The following CNTN6 variants were observed in gnomAD, a reference collection of about 807,000 sequenced individuals.
The protein encoded by CNTN6 is contactin-6.
A neutral mutation model predicts 122.8 loss-of-function variants in CNTN6; 137 were observed. The ratio of observed to expected loss-of-function variants is 1.12; its 90% CI spans 0.97 to 1.29. The LOEUF (loss-of-function observed/expected upper bound fraction) is 1.29, where lower values mean the gene tolerates loss of function less well. Ranked by LOEUF, CNTN6 falls within the 50% of genes most tolerant of loss-of-function variation. The pLI is 0.00. For missense variants in CNTN6, 1,634 were observed against 1,223.4 expected (o/e 1.34, Z -5.01); for synonymous variants, 570 against 426.0 (o/e 1.34, Z -4.16).
chr3:1,374,218 T>C (rs551263442), intron 16 of CNTN6, 145 bp downstream of exon 16: 3 of 713,258 alleles, frequency 4.2e-6, no homozygotes, highest in East Asian at 3.0e-5. Context: ...TCTTTTATTT[T>C]TACATACACA....
chr3:1,290,835 A>AG (rs1441154678), intron 5 of CNTN6, among the ~76,000 whole-genome samples: 4 of 152,204 alleles, frequency 2.6e-5, no homozygotes, highest in African/African-American at 9.6e-5. Flanking sequence ...GGACAGCCAG[A>AG]GGTCACTCTC....
chr3:1,167,880 T>C (rs768408778), intron 2 of CNTN6, among the ~76,000 whole-genome samples: 1 of 152,192 alleles, frequency 6.6e-6, no homozygotes, highest in Non-Finnish European at 1.5e-5. Flanking sequence ...TCAAAATAAT[T>C]TGACGACATA....
intron 16 of CNTN6, 97 bp downstream of exon 16, chr3:1,374,170 C>T (rs1709533546): frequency 7.7e-7 from 1 of 1,290,432 alleles, no homozygotes; most frequent in Non-Finnish European, 1.0e-6. Context: ...ATACTTTTGG[C>T]TCAAAATTGT....
chr3:1,272,938 C>T (rs1029893288), intron 4 of CNTN6, among the ~76,000 whole-genome samples: 1 of 152,114 alleles, frequency 6.6e-6, no homozygotes, highest in African/African-American at 2.4e-5. Context: ...GGCCCTTGTC[C>T]CTCCCTTGCA....
intron 1 of CNTN6, among the ~76,000 whole-genome samples, chr3:1,109,492 C>T (rs892805474): frequency 2.0e-5 from 3 of 151,980 alleles, no homozygotes; most frequent in Non-Finnish European, 4.4e-5. Flanking sequence ...GTTTAATAGA[C>T]AAGTTTCTCT....
intron 4 of CNTN6, among the ~76,000 whole-genome samples, chr3:1,268,577 A>G (rs1337195837): frequency 7.6e-6 from 1 of 131,094 alleles, no homozygotes; most frequent in Non-Finnish European, 1.6e-5. Flanking sequence ...ACTGCACTCC[A>G]GCCTGGGCGA....
At chr3:1,220,900 C>T (rs2094199180) in intron 3 of CNTN6, 87 bp downstream of exon 3, 1 of 1,408,796 alleles carries the variant, frequency 7.1e-7, no homozygotes, top group African/African-American at 1.4e-5. Context: ...TATAAAATGT[C>T]CTAATTTGTA....
chr3:1,306,043 G>A (rs114787051), intron 7 of CNTN6, among the ~76,000 whole-genome samples: 2,133 of 152,122 alleles, frequency 0.014, 59 homozygotes, highest in African/African-American at 0.048. Context: ...ATCAAGCTAG[G>A]CACACTGAAA....
chr3:1,227,744 A>G (rs2094302312), intron 3 of CNTN6, 74 bp from the exon 4 acceptor site: 1 of 1,455,748 alleles, frequency 6.9e-7, no homozygotes, highest in African/African-American at 1.4e-5. Flanking sequence ...CAGGAATTAG[A>G]ACTACATGTT....
intron 11 of CNTN6, among the ~76,000 whole-genome samples, chr3:1,331,092 G>A (rs188364789): frequency 1.1e-4 from 17 of 152,060 alleles, no homozygotes; most frequent in South Asian, 2.1e-4. Flanking sequence ...ACAAACAAAA[G>A]CAGGGGTCTC....
intron 2 of CNTN6, among the ~76,000 whole-genome samples, chr3:1,178,131 C>T (rs2125326233): frequency 6.6e-6 from 1 of 152,138 alleles, no homozygotes; most frequent in Admixed American, 6.5e-5. Context: ...GAACTCCTAA[C>T]CTCAAATGAT....
At chr3:1,230,607 C>G (rs549585581) in intron 4 of CNTN6, among the ~76,000 whole-genome samples, 3 of 152,280 alleles carry the variant, frequency 2.0e-5, no homozygotes, top group African/African-American at 4.8e-5. Flanking sequence ...TATTATTTCA[C>G]TTGAATTGGA....
intron 2 of CNTN6, among the ~76,000 whole-genome samples, chr3:1,196,516 A>G (rs1204659224): frequency 6.6e-6 from 1 of 152,112 alleles, no homozygotes; most frequent in Non-Finnish European, 1.5e-5. Context: ...TCTAAAAGTG[A>G]CTGGCAGAGG....
chr3:1,125,859 CA>C (rs1216994031), intron 1 of CNTN6, among the ~76,000 whole-genome samples: 3 of 151,828 alleles, frequency 2.0e-5, no homozygotes, highest in Non-Finnish European at 2.9e-5. Flanking sequence ...AGATTTGAGA[CA>C]AAAGCCAACT....
intron 2 of CNTN6, 111 bp downstream of exon 2, chr3:1,148,174 C>T (rs984635621): frequency 4.3e-5 from 34 of 790,276 alleles, no homozygotes; most frequent in Non-Finnish European, 6.9e-5. Flanking sequence ...ATTTGAATGA[C>T]TAAGTGATAA....
At chr3:1,233,516 A>C (rs2094380040) in intron 4 of CNTN6, among the ~76,000 whole-genome samples, 1 of 152,068 alleles carries the variant, frequency 6.6e-6, no homozygotes, top group Admixed American at 6.6e-5. Flanking sequence ...CGGGCGGATC[A>C]CAAGGTCAGG....
chr3:1,106,976 C>A (rs1177102529), intron 1 of CNTN6, among the ~76,000 whole-genome samples: 5 of 152,078 alleles, frequency 3.3e-5, no homozygotes, highest in Non-Finnish European at 5.9e-5. Context: ...ATCTATCTAT[C>A]TATCTCTCTA....
chr3:1,379,622 G>A (rs1465459168), intron 17 of CNTN6, among the ~76,000 whole-genome samples: 1 of 151,864 alleles, frequency 6.6e-6, no homozygotes, highest in Non-Finnish European at 1.5e-5. Flanking sequence ...TACAGAAAAA[G>A]CATACTAACC....
At chr3:1,316,015 T>A (rs180721203) in intron 7 of CNTN6, among the ~76,000 whole-genome samples, 9 of 152,122 alleles carry the variant, frequency 5.9e-5, no homozygotes. Context: ...TTAGGATTCC[T>A]GGTTTTGAAA....
Sources: gnomAD v4.1 joint callset for allele counts (sites outside exome capture counted in the v4.1 genomes callset) on GRCh38, gnomAD v4.1.1 for gene constraint, MANE v1.5 for transcripts, NCBI Gene and HGNC (gene_info 2026-07-23, HGNC 2026-07-21) for gene names.